The following SLC2A12 variants were observed in gnomAD, a reference collection of about 807,000 sequenced individuals.
The protein encoded by SLC2A12 is solute carrier family 2, facilitated glucose transporter member 12.
SLC2A12 carries 23 observed loss-of-function variants against 41.8 expected under a neutral mutation model. The ratio of observed to expected loss-of-function variants is 0.55; its 90% CI spans 0.40 to 0.78. The LOEUF (loss-of-function observed/expected upper bound fraction) is 0.78, where lower values mean the gene tolerates loss of function less well. SLC2A12 is among the 30% of genes least tolerant of loss of function. The pLI is 0.00. For missense variants in SLC2A12, 654 were observed against 745.6 expected (o/e 0.88, Z 1.43); for synonymous variants, 295 against 285.9 (o/e 1.03, Z -0.32).
chr6:134,048,817 G>C (rs563033209), intron 1 of SLC2A12, among the ~76,000 whole-genome samples: 15 of 152,256 alleles, frequency 9.9e-5, no homozygotes, highest in Admixed American at 1.3e-4. Context: ...CCTCTTACTA[G>C]AATCTGTCTT....
chr6:134,036,894 T>C (rs1004645343), intron 1 of SLC2A12, among the ~76,000 whole-genome samples: 8 of 152,342 alleles, frequency 5.3e-5, no homozygotes, highest in African/African-American at 1.9e-4. Flanking sequence ...ATTTATATTT[T>C]ATTAAACTTC....
chr6:134,032,148 A>C (rs1777216866), intron 1 of SLC2A12, among the ~76,000 whole-genome samples: 1 of 151,914 alleles, frequency 6.6e-6, no homozygotes, highest in South Asian at 2.1e-4. Flanking sequence ...TACCACAAAT[A>C]CTCAAGGTAT....
chr6:133,996,438 C>T (rs955934352), intron 4 of SLC2A12, among the ~76,000 whole-genome samples: 2 of 152,190 alleles, frequency 1.3e-5, no homozygotes, highest in African/African-American at 4.8e-5. Flanking sequence ...TTTCTGACCT[C>T]TCAGCTGAGT....
rs200450696 is a variant in SLC2A12, at chr6:134,041,491, A to AAG, written c.103+10885_103+10886dup. Among the ~76,000 whole-genome samples the AAG allele has an allele frequency of 9.6e-3, 1,459 of 151,996 alleles. 25 individuals carry two copies. The highest frequency in any genetic ancestry group is 0.034 in the African/African-American group (1,401 of 41,452). ...AAGAAAGTTGTGTCAAACAAAAAAA[A>AAG]AGAGAGAGAGAGAGAAAGAAAGGGA... is the stretch of plus-strand genomic sequence containing the variant. On this transcript the variant is annotated intron_variant, in intron 1 of 4. Transcript: ENST00000275230.
chr6:134,034,509 A>G (rs933610227), intron 1 of SLC2A12, among the ~76,000 whole-genome samples: 10 of 152,176 alleles, frequency 6.6e-5, no homozygotes, highest in African/African-American at 2.4e-4. Flanking sequence ...CATCACAGGA[A>G]GTTTTCCTGG....
At chr6:134,042,339 A>C (rs61712011) in intron 1 of SLC2A12, among the ~76,000 whole-genome samples, 15,026 of 152,054 alleles carry the variant, frequency 0.099, 1,901 homozygotes, top group African/African-American at 0.29. Context: ...AATTTACTAA[A>C]ATTAATACCT....
In SLC2A12 at chr6:134,028,931, C is replaced by A. The variant is rs1186890301; in HGVS notation, c.894G>T (p.Leu298Phe). 5 of 1,614,202 alleles carry A rather than the reference C, an allele frequency of 3.1e-6. No homozygotes were observed. ...FVQITGQPNI[L>F]FYASTVLKSV... ...ACTTCAAAACAGTTGATGCATAGAA[C>A]AATATGTTTGGTTGGCCAGTGATTT... Residue 298 changes from leucine to phenylalanine, a missense_variant, in exon 2 of 5, where the codon TTG (leucine) becomes TTT (phenylalanine). This residue lies in a region of SLC2A12 where 411 missense variants were observed against 412.1 expected (regional missense o/e 1.00). Transcript: ENST00000275230.
At chr6:134,010,741 T>C (rs1018092836) in intron 2 of SLC2A12, among the ~76,000 whole-genome samples, 1 of 152,138 alleles carries the variant, frequency 6.6e-6, no homozygotes, top group Non-Finnish European at 1.5e-5. Flanking sequence ...AGCGTGCTTA[T>C]GGCTACACAG....
chr6:134,007,045 T>C lies in SLC2A12; in HGVS notation c.1445-111A>G, dbSNP rs971525845. ...GCCCTCATCCTGCCGGGATTTGTGG[T>C]TGGGAAGCACCATTTCCTACCTCAG... is the stretch of plus-strand genomic sequence containing the variant. On this transcript the variant is annotated intron_variant, in intron 2 of 4. Coordinates refer to ENST00000275230, the MANE Select transcript of SLC2A12 (RefSeq NM_145176.3). 4.8e-6 allele frequency: 7 copies of C among 1,454,644 alleles called. No individual in the cohort carries two copies. The Admixed American group carries it at 6.3e-5, about 13-fold the overall frequency. The allele number at this position is 1,454,644 out of a possible 1,614,324, so 90.1% of individuals were successfully genotyped here. A position where few individuals can be genotyped will look rare whatever the true frequency, so the allele number is the denominator to read the frequency against.
At chr6:133,997,211 C>T (rs1209969515) in intron 4 of SLC2A12, among the ~76,000 whole-genome samples, 1 of 151,444 alleles carries the variant, frequency 6.6e-6, no homozygotes, top group Non-Finnish European at 1.5e-5. Flanking sequence ...GAGCTGAGCT[C>T]ATGTCACTGC....
chr6:134,032,259 A>G (rs1158352211), intron 1 of SLC2A12, among the ~76,000 whole-genome samples: 1 of 151,792 alleles, frequency 6.6e-6, no homozygotes, highest in Non-Finnish European at 1.5e-5. Context: ...ATAAAGGTGC[A>G]ATAATCCACA....
At chr6:133,998,461 T>A (rs1776720328) in intron 4 of SLC2A12, among the ~76,000 whole-genome samples, 2 of 152,256 alleles carry the variant, frequency 1.3e-5, no homozygotes, top group South Asian at 2.1e-4. Flanking sequence ...TATAGTTTCA[T>A]TCAATTAATT....
intron 2 of SLC2A12, among the ~76,000 whole-genome samples, chr6:134,020,807 A>G (rs1180029175): frequency 6.6e-6 from 1 of 152,198 alleles, no homozygotes; most frequent in Non-Finnish European, 1.5e-5. Flanking sequence ...CATGAGATGT[A>G]AGAAGTATTT....
At position 133,990,462 on chromosome 6, in the gene SLC2A12, G is replaced by GA. The variant is rs1388465785; in HGVS notation, c.*692dup. 12 of 152,364 alleles carry GA rather than the reference G, an allele frequency of 7.9e-5. No individual in the cohort carries two copies. The highest frequency in any genetic ancestry group is 7.7e-4 in the East Asian group (4 of 5,182). 9.4% of individuals were successfully genotyped at this position (152,364 alleles called of 1,614,324 possible). A position where few individuals can be genotyped will look rare whatever the true frequency, so the allele number is the denominator to read the frequency against. ...CTTTTCTATGCATTTTTTAAAAATG[G>GA]AAAAAAATGCTCATTTTTCTCAACT... is the stretch of plus-strand genomic sequence containing the variant. On this transcript the variant is annotated 3_prime_UTR_variant, in exon 5 of 5. Coordinates refer to ENST00000275230, the MANE Select transcript of SLC2A12 (RefSeq NM_145176.3).
intron 1 of SLC2A12, among the ~76,000 whole-genome samples, chr6:134,046,167 T>C (rs1162898034): frequency 6.6e-6 from 1 of 152,142 alleles, no homozygotes; most frequent in Admixed American, 6.5e-5. Flanking sequence ...CTAACTTCCA[T>C]AAAGTGTGGA....
rs1207888050 is a variant in SLC2A12 at position 134,032,408 on chromosome 6, ATATATATATATATATATT to A, written c.104-2705_104-2688del. ...CATTTACCTGGGTACAGGGAGAAATATATATATATATATATATTTATATATATATATATATATATAAAT... is the reference window on the plus strand; with the variant it reads ...CATTTACCTGGGTACAGGGAGAAATATATATATATATATATATATATAAAT... On this transcript the variant is annotated intron_variant, in intron 1 of 4. Transcript: ENST00000275230. Among the ~76,000 whole-genome samples, 13 of 33,314 alleles carry A rather than the reference ATATATATATATATATATT, an allele frequency of 3.9e-4. 1 individual carries two copies. The highest frequency in any genetic ancestry group is 3.5e-3 in the Admixed American group (11 of 3,168). The allele number at this position is 33,314 out of a possible 152,430, so 21.9% of individuals were successfully genotyped here.
chr6:134,026,068 C>T (rs1777108701), intron 2 of SLC2A12, among the ~76,000 whole-genome samples: 1 of 152,138 alleles, frequency 6.6e-6, no homozygotes, highest in Non-Finnish European at 1.5e-5. Flanking sequence ...ATATTGATCT[C>T]ATATCATAAT....
intron 1 of SLC2A12, among the ~76,000 whole-genome samples, chr6:134,032,426 T>A (rs6926788): frequency 0.023 from 797 of 34,988 alleles, 10 homozygotes; most frequent in African/African-American, 0.058. Flanking sequence ...ATATATATAT[T>A]TATATATATA....
At chr6:134,023,978 A>G (rs1262959151) in intron 2 of SLC2A12, among the ~76,000 whole-genome samples, 1 of 152,206 alleles carries the variant, frequency 6.6e-6, no homozygotes, top group Non-Finnish European at 1.5e-5. Context: ...AGAAATTTGC[A>G]TGATTTGGAA....
Sources: allele counts gnomAD v4.1 joint callset (sites outside exome capture counted in the v4.1 genomes callset), GRCh38; gene constraint gnomAD v4.1.1; regional missense constraint gnomAD v4.1.1; transcripts MANE v1.5; gene names NCBI Gene and HGNC (gene_info 2026-07-23, HGNC 2026-07-21).